The following NTM variants were observed in gnomAD, a reference collection of about 807,000 sequenced individuals.
The protein encoded by NTM is neurotrimin.
Under a neutral mutation model 42.1 loss-of-function variants are expected in NTM, and 13 were observed. The ratio of observed to expected loss-of-function variants is 0.31; its 90% CI spans 0.20 to 0.49. The LOEUF is 0.49. Ranked by LOEUF, NTM falls within the 20% of genes least tolerant of loss-of-function variation. NTM has a pLI of 0.99. For missense variants in NTM, 373 were observed against 452.8 expected (o/e 0.82, Z 1.60); for synonymous variants, 187 against 179.2 (o/e 1.04, Z -0.35).
intron 1 of NTM, among the ~76,000 whole-genome samples, chr11:131,552,285 G>C (rs2054783973): frequency 6.6e-6 from 1 of 152,198 alleles, no homozygotes. Flanking sequence ...TGGAGATGGT[G>C]TAAAAGTGAT....
At chr11:131,993,791 AG>A (rs1406258473) in intron 2 of NTM, among the ~76,000 whole-genome samples, 1 of 152,054 alleles carries the variant, frequency 6.6e-6, no homozygotes, top group Non-Finnish European at 1.5e-5. Context: ...ACCTGAGGTT[AG>A]GAGTTTGAGA....
intron 2 of NTM, among the ~76,000 whole-genome samples, chr11:132,059,470 T>C (rs866982760): frequency 2.0e-5 from 3 of 152,234 alleles, no homozygotes; most frequent in African/African-American, 4.8e-5. Context: ...TGTTGACCGA[T>C]TGACACATTC....
chr11:131,855,894 T>C (rs766433182), intron 1 of NTM, among the ~76,000 whole-genome samples: 1 of 152,182 alleles, frequency 6.6e-6, no homozygotes, highest in East Asian at 1.9e-4. Context: ...GCTAGCTTAG[T>C]GTCTGACACA....
intron 1 of NTM, among the ~76,000 whole-genome samples, chr11:131,630,585 C>T (rs758542001): frequency 6.6e-6 from 1 of 152,156 alleles, no homozygotes; most frequent in African/African-American, 2.4e-5. Flanking sequence ...GTCTGTACAG[C>T]CCAGTAATGG....
At chr11:132,197,832 C>A (rs942094077) in intron 3 of NTM, among the ~76,000 whole-genome samples, 3 of 152,006 alleles carry the variant, frequency 2.0e-5, no homozygotes, top group African/African-American at 7.3e-5. Context: ...ATGAACTCAT[C>A]ATTTTTTATG....
chr11:131,820,492 TA>T (rs1396808742), intron 1 of NTM, among the ~76,000 whole-genome samples: 1 of 152,198 alleles, frequency 6.6e-6, no homozygotes, highest in Non-Finnish European at 1.5e-5. Context: ...TTTAGACATA[TA>T]AAAAAGGATG....
At chr11:131,612,469 G>A (rs550750963) in intron 1 of NTM, among the ~76,000 whole-genome samples, 19 of 152,302 alleles carry the variant, frequency 1.2e-4, no homozygotes, top group African/African-American at 4.3e-4. Context: ...GCTGTGATGC[G>A]TCACCAATCT....
chr11:132,041,794 C>G (rs996432659), intron 2 of NTM, among the ~76,000 whole-genome samples: 3 of 152,134 alleles, frequency 2.0e-5, no homozygotes, highest in Admixed American at 6.5e-5. Context: ...GCTTCTGGCT[C>G]TCACGTTTAC....
At chr11:132,286,789 A>G (rs1353626562) in intron 4 of NTM, among the ~76,000 whole-genome samples, 2 of 152,162 alleles carry the variant, frequency 1.3e-5, no homozygotes, top group African/African-American at 2.4e-5. Flanking sequence ...CACCATGACA[A>G]TGGTGTATCC....
chr11:131,727,719 A>G (rs2079129344), intron 1 of NTM, among the ~76,000 whole-genome samples: 1 of 152,214 alleles, frequency 6.6e-6, no homozygotes. Context: ...GAGAGAATCC[A>G]GAAGAGGTCT....
chr11:132,301,298 A>G lies in NTM; in HGVS notation c.527-6391A>G, dbSNP rs117456679. On this transcript the variant is annotated intron_variant, in intron 4 of 8. Transcript: ENST00000683400. ...CTATCATGAGAACGGGATGGGGGAA[A>G]CCACTCCCATGATTCAATTATCTCC... Among the ~76,000 whole-genome samples the G allele has an allele frequency of 2.5e-3, 386 of 152,216 alleles. 9 individuals carry two copies. In the East Asian group the frequency reaches 0.064, roughly 25 times the overall value.
At chr11:131,880,339 T>A (rs1417650866) in intron 1 of NTM, among the ~76,000 whole-genome samples, 1 of 152,216 alleles carries the variant, frequency 6.6e-6, no homozygotes, top group Non-Finnish European at 1.5e-5. Context: ...GATCTAATGC[T>A]GAATTATAGG....
rs1373197211 is a variant in NTM, at chr11:132,335,228, C to A, written c.*82C>A. 6.9e-6 allele frequency: 10 copies of A among 1,454,730 alleles called. No individual in the cohort carries two copies. Among genetic ancestry groups the A allele is most frequent in the Middle Eastern group, 1.7e-4 (1 of 5,746 alleles). 90.1% of individuals were successfully genotyped at this position (1,454,730 alleles called of 1,614,324 possible). A position where few individuals can be genotyped will look rare whatever the true frequency, so the allele number is the denominator to read the frequency against. Reference sequence around the variant, plus strand: ...ACAGCAATGGCAACACCGACAGCAACCAATCAGATATATACAAATGAAATT... The same window carrying A: ...ACAGCAATGGCAACACCGACAGCAAACAATCAGATATATACAAATGAAATT... On this transcript the variant is annotated 3_prime_UTR_variant, in exon 9 of 9. Transcript: ENST00000683400.
At chr11:132,230,130 A>G (rs2087189391) in intron 4 of NTM, among the ~76,000 whole-genome samples, 1 of 152,226 alleles carries the variant, frequency 6.6e-6, no homozygotes, top group Admixed American at 6.5e-5. Context: ...CTTTTAAGAG[A>G]GAGGAAGCTG....
intron 2 of NTM, among the ~76,000 whole-genome samples, chr11:132,068,165 A>G (rs1266190815): frequency 6.6e-6 from 1 of 152,240 alleles, no homozygotes; most frequent in Admixed American, 6.5e-5. Flanking sequence ...ACATTTTGTT[A>G]ACAGTGGATC....
At chr11:132,300,086 CAA>C (rs1359880979) in intron 4 of NTM, among the ~76,000 whole-genome samples, 2 of 151,980 alleles carry the variant, frequency 1.3e-5, no homozygotes, top group East Asian at 3.9e-4. Flanking sequence ...TGTTTTAAGT[CAA>C]GAGAGTAGAG....
chr11:132,066,083 T>C (rs2056438110), intron 2 of NTM, among the ~76,000 whole-genome samples: 1 of 152,224 alleles, frequency 6.6e-6, no homozygotes, highest in Non-Finnish European at 1.5e-5. Flanking sequence ...ATCACTAGAA[T>C]ACCTCTAACA....
At chr11:131,800,162 A>G (rs560664364) in intron 1 of NTM, among the ~76,000 whole-genome samples, 119 of 152,356 alleles carry the variant, frequency 7.8e-4, no homozygotes, top group African/African-American at 2.7e-3. Context: ...CTTACAAAGC[A>G]AACAGATTTT....
chr11:132,097,887 A>T (rs1193732493), intron 2 of NTM, among the ~76,000 whole-genome samples: 1 of 152,210 alleles, frequency 6.6e-6, no homozygotes, highest in Admixed American at 6.5e-5. Context: ...TGCTCATCAC[A>T]CTAAAGTGGA....
Sources: allele counts gnomAD v4.1 joint callset (sites outside exome capture counted in the v4.1 genomes callset), GRCh38; gene constraint gnomAD v4.1.1; transcripts MANE v1.5; gene names NCBI Gene and HGNC (gene_info 2026-07-23, HGNC 2026-07-21).